The following LDLRAD3 variants were observed in gnomAD, a reference collection of about 807,000 sequenced individuals.
The protein encoded by LDLRAD3 is low density lipoprotein receptor class A domain containing 3.
A neutral mutation model predicts 29.4 loss-of-function variants in LDLRAD3; 20 were observed. That is an observed-to-expected ratio of 0.68 (90% CI 0.48 to 0.99). The LOEUF is 0.99. Among genes scored for constraint, LDLRAD3 ranks in the 50% least tolerant of loss-of-function variants. The probability of loss-of-function intolerance (pLI) is 0.00; values close to 1 mark genes in which losing one functional copy is unlikely to be tolerated. For missense variants in LDLRAD3, 420 were observed against 454.3 expected (o/e 0.92, Z 0.69); for synonymous variants, 157 against 192.7 (o/e 0.81, Z 1.53).
intron 4 of LDLRAD3, among the ~76,000 whole-genome samples, chr11:36,146,977 A>G (rs1319475145): frequency 6.6e-6 from 1 of 151,694 alleles, no homozygotes; most frequent in Admixed American, 6.6e-5. Context: ...TTTAGTAGAG[A>G]CAGGGTTTCA....
chr11:35,970,649 A>T (rs1851400230), intron 1 of LDLRAD3, among the ~76,000 whole-genome samples: 1 of 152,246 alleles, frequency 6.6e-6, no homozygotes, highest in African/African-American at 2.4e-5. Context: ...GAGTACATCA[A>T]GGCTGAGAGG....
chr11:35,960,964 C>T (rs1185279041), intron 1 of LDLRAD3, among the ~76,000 whole-genome samples: 3 of 152,310 alleles, frequency 2.0e-5, no homozygotes, highest in East Asian at 1.9e-4. Context: ...AGGCCTGTTC[C>T]CTCATCTCCC....
intron 1 of LDLRAD3, among the ~76,000 whole-genome samples, chr11:35,946,181 T>A (rs142324452): frequency 6.6e-6 from 1 of 152,362 alleles, no homozygotes; most frequent in East Asian, 1.9e-4. Flanking sequence ...AAAGCCTGTT[T>A]GGTTCAGTTT....
At chr11:36,165,560 T>C (rs1169621046) in intron 4 of LDLRAD3, among the ~76,000 whole-genome samples, 1 of 152,168 alleles carries the variant, frequency 6.6e-6, no homozygotes, top group African/African-American at 2.4e-5. Context: ...AAAATCATTC[T>C]TGCACTGCTA....
At chr11:36,173,791 G>A (rs1374874772) in intron 4 of LDLRAD3, among the ~76,000 whole-genome samples, 4 of 152,102 alleles carry the variant, frequency 2.6e-5, no homozygotes, top group African/African-American at 7.2e-5. Flanking sequence ...TACTGCCCAA[G>A]GTAATTTATA....
rs141925844 is a variant in LDLRAD3, at chr11:36,084,329, G to A, written c.319+2551G>A. Among the ~76,000 whole-genome samples, 60 of 152,242 alleles carry A rather than the reference G, an allele frequency of 3.9e-4. No homozygotes were observed. In the East Asian group the frequency reaches 0.011, roughly 27 times the overall value. ...ACATAGCTACCATTTAAAAATAGTG[G>A]TTCTGAAGCCGGGCGAGGTGGGGCA... is the stretch of plus-strand genomic sequence containing the variant. On this transcript the variant is annotated intron_variant, in intron 3 of 5. Transcript: ENST00000315571.
intron 4 of LDLRAD3, among the ~76,000 whole-genome samples, chr11:36,176,972 A>T (rs1397634524): frequency 6.6e-6 from 1 of 152,056 alleles, no homozygotes; most frequent in Non-Finnish European, 1.5e-5. Context: ...TGGTGGTTTA[A>T]CATAATCCCA....
rs574311611 is a variant in LDLRAD3, at chr11:36,109,365, G to A, written c.454+10904G>A. ...GAAGCCACGGATAAGACACGTGAAG[G>A]TGGGGGCAGTGGGAACATATGGGGG... On this transcript the variant is annotated intron_variant, in intron 4 of 5. Coordinates refer to ENST00000315571, the MANE Select transcript of LDLRAD3 (RefSeq NM_174902.4). Among the ~76,000 whole-genome samples, 8 of 152,116 alleles carry A rather than the reference G, an allele frequency of 5.3e-5. No individual in the cohort carries two copies. The East Asian group carries it at 1.4e-3, about 26-fold the overall frequency.
At chr11:35,947,254 A>G (rs538237277) in intron 1 of LDLRAD3, among the ~76,000 whole-genome samples, 151 of 152,330 alleles carry the variant, frequency 9.9e-4, no homozygotes, top group Non-Finnish European at 1.6e-3. Flanking sequence ...CACGCCTGTA[A>G]TCCCAGCACT....
At chr11:35,986,889 T>G (rs1851621677) in intron 1 of LDLRAD3, among the ~76,000 whole-genome samples, 1 of 152,192 alleles carries the variant, frequency 6.6e-6, no homozygotes, top group Non-Finnish European at 1.5e-5. Flanking sequence ...GCATGAGTAG[T>G]GTTGGGCCCA....
chr11:35,948,338 A>G (rs568158008), intron 1 of LDLRAD3, among the ~76,000 whole-genome samples: 1 of 152,208 alleles, frequency 6.6e-6, no homozygotes, highest in Admixed American at 6.5e-5. Context: ...TGTCTTCAAA[A>G]TATTTAGGAA....
At chr11:36,074,724 A>T (rs1236446065) in intron 2 of LDLRAD3, among the ~76,000 whole-genome samples, 1 of 152,204 alleles carries the variant, frequency 6.6e-6, no homozygotes, top group Non-Finnish European at 1.5e-5. Flanking sequence ...TCATCCCTCA[A>T]AAGGTGATCA....
chr11:36,025,493 A>G lies in LDLRAD3; in HGVS notation c.47-10610A>G, dbSNP rs1215445958. Among the ~76,000 whole-genome samples the G allele has an allele frequency of 3.4e-5, 5 of 149,164 alleles. No homozygotes were observed. In the Admixed American group the frequency reaches 3.4e-4, roughly 10 times the overall value. ...AAGCACCGCCTCCAGGGTTCACGCC[A>G]TTCTCCTGCCTCAGCCTCCCGAGTA... On this transcript the variant is annotated intron_variant, in intron 1 of 5. Coordinates refer to ENST00000315571, the MANE Select transcript of LDLRAD3 (RefSeq NM_174902.4).
intron 1 of LDLRAD3, among the ~76,000 whole-genome samples, chr11:35,953,499 C>G (rs1385160193): frequency 6.6e-6 from 1 of 152,118 alleles, no homozygotes; most frequent in Non-Finnish European, 1.5e-5. Flanking sequence ...GTGAGTTTGG[C>G]TTAGCGAATG....
At position 36,181,620 on chromosome 11, in the gene LDLRAD3, G is replaced by C. The variant is rs151226889; in HGVS notation, c.455-45465G>C. On this transcript the variant is annotated intron_variant, in intron 4 of 5. Transcript: ENST00000315571. ...TCTGGCATCTCCTGCTGTGGGGTTG[G>C]ATATGAGCTGTCTTATATAGACCCT... Among the ~76,000 whole-genome samples, 1,090 of 152,228 alleles carry C rather than the reference G, an allele frequency of 7.2e-3. 18 individuals carry two copies. The highest frequency in any genetic ancestry group is 0.025 in the African/African-American group (1,048 of 41,512).
intron 2 of LDLRAD3, among the ~76,000 whole-genome samples, chr11:36,045,688 C>A (rs1852439005): frequency 6.7e-6 from 1 of 148,402 alleles, no homozygotes; most frequent in Non-Finnish European, 1.5e-5. Flanking sequence ...GTGCTGTTCT[C>A]ATGATAGTGA....
intron 4 of LDLRAD3, among the ~76,000 whole-genome samples, chr11:36,215,415 C>T (rs1443148711): frequency 1.3e-5 from 2 of 152,052 alleles, no homozygotes; most frequent in Admixed American, 6.5e-5. Context: ...CTACGGGGAG[C>T]CAGAGTGGAG....
chr11:35,970,000 T>C (rs187714860), intron 1 of LDLRAD3, among the ~76,000 whole-genome samples: 5 of 152,340 alleles, frequency 3.3e-5, no homozygotes, highest in African/African-American at 1.2e-4. Context: ...GCAAAGAAGC[T>C]AGGCCTGATC....
chr11:36,098,495 C>G (rs939847695), intron 4 of LDLRAD3, 34 bp downstream of exon 4: 2 of 1,612,082 alleles, frequency 1.2e-6, no homozygotes, highest in Admixed American at 3.3e-5. Context: ...AAGATAATTG[C>G]AACACAACAC....
Sources: gnomAD v4.1 joint callset for allele counts (sites outside exome capture counted in the v4.1 genomes callset) on GRCh38, gnomAD v4.1.1 for gene constraint, MANE v1.5 for transcripts, NCBI Gene and HGNC (gene_info 2026-07-23, HGNC 2026-07-21) for gene names.